The following NLGN1 variants were observed in gnomAD, a reference collection of about 807,000 sequenced individuals.
NLGN1 encodes the protein neuroligin-1.
Under a neutral mutation model 65.5 loss-of-function variants are expected in NLGN1, and 12 were observed. That is an observed-to-expected ratio of 0.18 (90% CI 0.12 to 0.30). NLGN1 has a LOEUF of 0.30. NLGN1 is among the 10% of genes least tolerant of loss of function. The pLI is 1.00. For synonymous variants in NLGN1, 350 were observed against 359.5 expected (o/e 0.97, Z 0.30); for missense variants, 750 against 1,007.1 (o/e 0.74, Z 3.46).
chr3:174,090,316 CA>C (rs200783208), intron 4 of NLGN1, among the ~76,000 whole-genome samples: 1,911 of 151,340 alleles, frequency 0.013, 36 homozygotes, highest in African/African-American at 0.043. Flanking sequence ...ATTAAAAATA[CA>C]AAAAAAATAG....
chr3:174,274,925 G>A (rs1016411231), intron 4 of NLGN1, among the ~76,000 whole-genome samples: 1 of 151,790 alleles, frequency 6.6e-6, no homozygotes, highest in African/African-American at 2.4e-5. Flanking sequence ...TTGACGACAA[G>A]CAACTTGAGG....
chr3:173,564,670 G>A (rs928116552), intron 2 of NLGN1, among the ~76,000 whole-genome samples: 1 of 152,182 alleles, frequency 6.6e-6, no homozygotes, highest in African/African-American at 2.4e-5. Context: ...GAACCCTTGA[G>A]TTACTGTGAG....
At chr3:173,967,560 A>G (rs533823251) in intron 4 of NLGN1, among the ~76,000 whole-genome samples, 4 of 152,276 alleles carry the variant, frequency 2.6e-5, no homozygotes, top group Non-Finnish European at 4.4e-5. Context: ...ACCTCTCTTT[A>G]TATTTTCACA....
intron 4 of NLGN1, among the ~76,000 whole-genome samples, chr3:173,868,470 G>A (rs1730600214): frequency 1.3e-5 from 2 of 152,152 alleles, no homozygotes; most frequent in Admixed American, 1.3e-4. Context: ...TATGCGGTAA[G>A]TCTCAGAATA....
At chr3:173,940,080 C>G (rs1169981410) in intron 4 of NLGN1, among the ~76,000 whole-genome samples, 1 of 75,404 alleles carries the variant, frequency 1.3e-5, no homozygotes, top group Non-Finnish European at 2.3e-5. Flanking sequence ...ATAGTTATAG[C>G]TTTTTTTTTT....
intron 4 of NLGN1, among the ~76,000 whole-genome samples, chr3:174,113,388 G>T (rs1049417093): frequency 6.6e-6 from 1 of 151,924 alleles, no homozygotes; most frequent in Admixed American, 6.6e-5. Flanking sequence ...AAAAGAATAT[G>T]ATTTATTTCC....
At chr3:174,006,032 C>T (rs149202809) in intron 4 of NLGN1, among the ~76,000 whole-genome samples, 1,862 of 152,226 alleles carry the variant, frequency 0.012, 32 homozygotes, top group Non-Finnish European at 0.018. Flanking sequence ...GCCTTCACCC[C>T]CTCCAAACCT....
intron 3 of NLGN1, among the ~76,000 whole-genome samples, chr3:173,657,278 C>T (rs577092948): frequency 6.6e-6 from 1 of 152,060 alleles, no homozygotes; most frequent in South Asian, 2.1e-4. Context: ...TTGCCTTCCC[C>T]ATTCTTCCAA....
At chr3:173,686,024 AT>A (rs977721760) in intron 3 of NLGN1, among the ~76,000 whole-genome samples, 2 of 152,168 alleles carry the variant, frequency 1.3e-5, no homozygotes, top group African/African-American at 4.8e-5. Flanking sequence ...AACCATGCTC[AT>A]TTGGGAAGGT....
rs148643664 is a variant in NLGN1, at chr3:173,668,764, C to T, written c.493+63673C>T. ...TCAGCCTCCTGAGTAGCTGGGATTA[C>T]AGGCATGAGCCACCGTGCCCAGCTA... On this transcript the variant is annotated intron_variant, in intron 3 of 6. Coordinates refer to ENST00000457714, the Ensembl canonical transcript of NLGN1. Among the ~76,000 whole-genome samples, 26 of 152,042 alleles carry T rather than the reference C, an allele frequency of 1.7e-4. 1 individual carries two copies. The East Asian group carries it at 5.1e-3, about 30-fold the overall frequency.
intron 2 of NLGN1, among the ~76,000 whole-genome samples, chr3:173,495,680 G>A (rs200829492): frequency 4.9e-3 from 643 of 130,156 alleles, no homozygotes; most frequent in Non-Finnish European, 6.1e-3. Context: ...AGTCTTTTTT[G>A]AAAAAAAAAA....
chr3:173,512,963 A>C (rs1733226140), intron 2 of NLGN1, among the ~76,000 whole-genome samples: 1 of 152,216 alleles, frequency 6.6e-6, no homozygotes, highest in Admixed American at 6.5e-5. Flanking sequence ...TCTTACAATT[A>C]GATCTCAGTC....
intron 4 of NLGN1, among the ~76,000 whole-genome samples, chr3:173,944,296 CACAA>C (rs547780224): frequency 1.3e-5 from 2 of 151,996 alleles, no homozygotes; most frequent in South Asian, 4.2e-4. Flanking sequence ...AAGAATGAAT[CACAA>C]ACATACATGT....
chr3:173,408,163 C>T (rs1184372603), intron 1 of NLGN1, among the ~76,000 whole-genome samples: 1 of 152,110 alleles, frequency 6.6e-6, no homozygotes, highest in Non-Finnish European at 1.5e-5. Flanking sequence ...AGCCCAAGCA[C>T]TCTTTCCATA....
intron 4 of NLGN1, among the ~76,000 whole-genome samples, chr3:174,168,644 A>C (rs1451883839): frequency 6.6e-6 from 1 of 152,124 alleles, no homozygotes; most frequent in East Asian, 1.9e-4. Flanking sequence ...AGTTATTTGC[A>C]GAAGCTGTCT....
chr3:173,771,249 G>C (rs1198881945), intron 3 of NLGN1, among the ~76,000 whole-genome samples: 1 of 152,112 alleles, frequency 6.6e-6, no homozygotes, highest in Non-Finnish European at 1.5e-5. Flanking sequence ...CATGGGGAAT[G>C]GTTAGCACAA....
chr3:174,049,380 A>G (rs1006787612), intron 4 of NLGN1, among the ~76,000 whole-genome samples: 1 of 152,078 alleles, frequency 6.6e-6, no homozygotes, highest in African/African-American at 2.4e-5. Flanking sequence ...AGTAAGATGC[A>G]TGTGACAGTT....
chr3:174,260,993 G>T (rs889134331), intron 4 of NLGN1, among the ~76,000 whole-genome samples: 1 of 151,158 alleles, frequency 6.6e-6, no homozygotes, highest in Non-Finnish European at 1.5e-5. Context: ...TCAGATAGTT[G>T]TAGATATGCG....
At chr3:173,485,168 C>G in intron 2 of NLGN1, among the ~76,000 whole-genome samples, 1 of 144,106 alleles carries the variant, frequency 6.9e-6, no homozygotes, top group Admixed American at 6.9e-5. Flanking sequence ...ATTTTTAACT[C>G]TATCAGATCT....
Sources: allele counts gnomAD v4.1 joint callset (sites outside exome capture counted in the v4.1 genomes callset), GRCh38; gene constraint gnomAD v4.1.1; transcripts MANE v1.5; gene names NCBI Gene and HGNC (gene_info 2026-07-23, HGNC 2026-07-21).